The following PALS1 variants were observed in gnomAD, a reference collection of about 807,000 sequenced individuals.
PALS1 encodes protein PALS1.
In PALS1, 31 loss-of-function variants were observed where a neutral mutation model predicts 78.9. The ratio of observed to expected loss-of-function variants is 0.39; its 90% CI spans 0.30 to 0.53. The LOEUF (loss-of-function observed/expected upper bound fraction) is 0.53, where lower values mean the gene tolerates loss of function less well. Among genes scored for constraint, PALS1 ranks in the 20% least tolerant of loss-of-function variants. The pLI is 0.67. For missense variants in PALS1, 704 were observed against 826.5 expected (o/e 0.85, Z 1.82); for synonymous variants, 276 against 270.9 (o/e 1.02, Z -0.18).
At chr14:67,289,900 A>T (rs1413705472) in intron 3 of PALS1, among the ~76,000 whole-genome samples, 1 of 151,104 alleles carries the variant, frequency 6.6e-6, no homozygotes, top group African/African-American at 2.4e-5. Flanking sequence ...CCTCTCGAGT[A>T]GCTGGGACTA....
At chr14:67,298,885 ATTTGTCATT>A (rs2084895225) in intron 4 of PALS1, among the ~76,000 whole-genome samples, 1 of 152,134 alleles carries the variant, frequency 6.6e-6, no homozygotes, top group South Asian at 2.1e-4. Flanking sequence ...TGTTTTACAA[ATTTGTCATT>A]TGTGGACATT....
chr14:67,327,456 G>A (rs942748336), intron 14 of PALS1, among the ~76,000 whole-genome samples: 1 of 151,390 alleles, frequency 6.6e-6, no homozygotes, highest in African/African-American at 2.4e-5. Flanking sequence ...TCCGGGGTGT[G>A]GGGGGAAGGT....
intron 9 of PALS1, among the ~76,000 whole-genome samples, chr14:67,316,495 T>G (rs1489820218): frequency 6.6e-6 from 1 of 152,228 alleles, no homozygotes; most frequent in Non-Finnish European, 1.5e-5. Context: ...GAGATAATTC[T>G]AAAGGACCTA....
rs552204174 is a variant in PALS1, at chr14:67,304,654, G to A, written c.1041+1055G>A. ...GGAGATGAGGATTTATGAGGGAATG[G>A]TGATTACTAATCAGTACCAAGTTTC... On this transcript the variant is annotated intron_variant, in intron 8 of 14. Coordinates refer to ENST00000261681, the MANE Select transcript of PALS1 (RefSeq NM_022474.4). 9.6e-4 allele frequency among the ~76,000 whole-genome samples: 146 copies of A among 152,134 alleles called. 1 individual carries two copies. The highest frequency in any genetic ancestry group is 1.8e-3 in the Non-Finnish European group (124 of 68,024).
chr14:67,287,796 G>C (rs1481879480), intron 3 of PALS1, among the ~76,000 whole-genome samples: 1 of 152,168 alleles, frequency 6.6e-6, no homozygotes, highest in East Asian at 1.9e-4. Flanking sequence ...AAGGCTACAT[G>C]GCGTAGCAAA....
chr14:67,289,768 C>CTTTTTTTTTT (rs1491090879), intron 3 of PALS1, among the ~76,000 whole-genome samples: 1 of 95,508 alleles, frequency 1.0e-5, no homozygotes, highest in Non-Finnish European at 2.1e-5. Context: ...TTTTCCATGT[C>CTTTTTTTTTT]CTTTTTTTTT....
intron 1 of PALS1, among the ~76,000 whole-genome samples, chr14:67,252,444 C>G (rs1226755943): frequency 6.6e-6 from 1 of 152,096 alleles, no homozygotes; most frequent in Non-Finnish European, 1.5e-5. Context: ...AGTGAGCCAC[C>G]GTGCTCAGCA....
intron 6 of PALS1, 26 bp from the exon 7 acceptor site, chr14:67,302,384 T>A: frequency 7.4e-7 from 1 of 1,343,558 alleles, no homozygotes; most frequent in Non-Finnish European, 9.7e-7. Flanking sequence ...TTTTTATTTT[T>A]AAATTATACA....
chr14:67,330,748 G>A (rs1020024173), intron 14 of PALS1, among the ~76,000 whole-genome samples: 4 of 111,674 alleles, frequency 3.6e-5, no homozygotes, highest in Non-Finnish European at 4.7e-5. Context: ...CTGAGCCCCC[G>A]GCACCCCGCT....
intron 4 of PALS1, 31 bp downstream of exon 4, chr14:67,292,750 A>G (rs773593021): frequency 6.4e-7 from 1 of 1,553,724 alleles, no homozygotes; most frequent in Non-Finnish European, 8.9e-7. Context: ...GTTGATGTCT[A>G]CAAGGTAATT....
chr14:67,318,713 A>G (rs1316924558), intron 11 of PALS1, among the ~76,000 whole-genome samples: 1 of 152,180 alleles, frequency 6.6e-6, no homozygotes, highest in Non-Finnish European at 1.5e-5. Context: ...GGCAGTAACT[A>G]TATGATGTTG....
chr14:67,278,991 T>A, intron 2 of PALS1, 27 bp from the exon 3 acceptor site: 1 of 556,574 alleles, frequency 1.8e-6, no homozygotes, highest in Non-Finnish European at 2.9e-6. Flanking sequence ...ATTCTTACAC[T>A]TTTTTCCCCC....
intron 14 of PALS1, among the ~76,000 whole-genome samples, chr14:67,332,162 C>T (rs1378860823): frequency 6.6e-6 from 1 of 152,144 alleles, no homozygotes; most frequent in South Asian, 2.1e-4. Context: ...CTTTCTTGAA[C>T]CCATGTGCCT....
At chr14:67,268,292 G>C (rs2084359871) in intron 1 of PALS1, among the ~76,000 whole-genome samples, 5 of 152,270 alleles carry the variant, frequency 3.3e-5, no homozygotes, top group Admixed American at 3.3e-4. Context: ...TTTTTAAACA[G>C]CATTGTTGAG....
intron 1 of PALS1, among the ~76,000 whole-genome samples, chr14:67,266,646 T>A (rs1256270658): frequency 6.6e-6 from 1 of 152,096 alleles, no homozygotes; most frequent in Admixed American, 6.6e-5. Flanking sequence ...AGTTTTTACT[T>A]GTATTTATTT....
chr14:67,334,813 A>C lies in PALS1; in HGVS notation c.*1857A>C, dbSNP rs1326663080. 1.3e-5 allele frequency: 2 copies of C among 152,204 alleles called. No homozygotes were observed. The highest frequency in any genetic ancestry group is 3.8e-4 in the East Asian group (2 of 5,198). The allele number at this position is 152,204 out of a possible 1,614,324, so 9.4% of individuals were successfully genotyped here. On this transcript the variant is annotated 3_prime_UTR_variant, in exon 15 of 15. Coordinates refer to ENST00000261681, the MANE Select transcript of PALS1 (RefSeq NM_022474.4). ...AAACTAAGGAATATACTTAGCACTT[A>C]CTTAATCTTTTCAGTTTTCCAGTTT...
intron 1 of PALS1, among the ~76,000 whole-genome samples, chr14:67,249,966 T>C (rs2084043024): frequency 1.3e-5 from 2 of 152,250 alleles, no homozygotes; most frequent in Admixed American, 6.5e-5. Context: ...TTTTGTGTTA[T>C]GTTTGAAATG....
At chr14:67,244,681 G>T (rs1242939138) in intron 1 of PALS1, among the ~76,000 whole-genome samples, 1 of 152,088 alleles carries the variant, frequency 6.6e-6, no homozygotes, top group Non-Finnish European at 1.5e-5. Context: ...ATAGGTTTTT[G>T]TGTAAACCTA....
At chr14:67,256,539 C>CT (rs2084147895) in intron 1 of PALS1, among the ~76,000 whole-genome samples, 2 of 151,860 alleles carry the variant, frequency 1.3e-5, no homozygotes, top group African/African-American at 4.8e-5. Context: ...ACTTTATATC[C>CT]TTTTTTCTTT....
Sources: gnomAD v4.1 joint callset for allele counts (sites outside exome capture counted in the v4.1 genomes callset) on GRCh38, gnomAD v4.1.1 for gene constraint, MANE v1.5 for transcripts, NCBI Gene and HGNC (gene_info 2026-07-23, HGNC 2026-07-21) for gene names.